The following CDKL2 variants were observed in gnomAD, a reference collection of about 807,000 sequenced individuals.
The protein encoded by CDKL2 is cyclin dependent kinase like 2, also known as cyclin-dependent kinase-like 2.
CDKL2 carries 64 observed loss-of-function variants against 63.9 expected under a neutral mutation model. That is an observed-to-expected ratio of 1.00 (90% confidence interval 0.82 to 1.23). The LOEUF (loss-of-function observed/expected upper bound fraction) is 1.23, where lower values mean the gene tolerates loss of function less well. Among genes scored for constraint, CDKL2 ranks in the 50% most tolerant of loss-of-function variants. CDKL2 has a pLI of 0.00. For synonymous variants in CDKL2, 211 were observed against 229.2 expected, an observed-to-expected ratio of 0.92 and a Z score of 0.72; for missense variants, 656 against 668.0, an observed-to-expected ratio of 0.98 and a Z score of 0.20.
At chr4:75,600,921 A>G (rs1191635973) in intron 6 of CDKL2, among the ~76,000 whole-genome samples, 2 of 152,214 alleles carry the variant, frequency 1.3e-5, no homozygotes, top group Non-Finnish European at 2.9e-5. Flanking sequence ...CAAAAAATCA[A>G]CCTGATTCTG....
In CDKL2 at chr4:75,577,318, C is replaced by T. The variant is rs552473151; in HGVS notation, c.*1884G>A. ...TATGTAATCTTGTTGATTACATCAA[C>T]AAGAATCACTGAAACCAATTTGCAG... is the stretch of plus-strand genomic sequence containing the variant. On this transcript the variant is annotated 3_prime_UTR_variant, in exon 14 of 14. Transcript: ENST00000307465. 3.9e-5 allele frequency among the ~76,000 whole-genome samples: 6 copies of T among 152,202 alleles called. No individual in the cohort carries two copies. The highest frequency in any genetic ancestry group is 4.8e-5 in the African/African-American group (2 of 41,556).
intron 3 of CDKL2, among the ~76,000 whole-genome samples, chr4:75,611,494 G>T (rs1341979644): frequency 6.7e-6 from 1 of 148,928 alleles, no homozygotes; most frequent in African/African-American, 2.5e-5. Context: ...TAAATGGACT[G>T]GAAAAAAAGT....
chr4:75,616,608 G>A (rs1480763480), intron 2 of CDKL2, among the ~76,000 whole-genome samples: 1 of 150,520 alleles, frequency 6.6e-6, no homozygotes, highest in Non-Finnish European at 1.5e-5. Flanking sequence ...GCTGAGGCAG[G>A]AGAATCGCTT....
intron 10 of CDKL2, among the ~76,000 whole-genome samples, chr4:75,595,562 T>A (rs1206591665): frequency 6.6e-6 from 1 of 151,988 alleles, no homozygotes; most frequent in Admixed American, 6.6e-5. Flanking sequence ...ATAAGACAAT[T>A]TATCTTTTCA....
intron 2 of CDKL2, among the ~76,000 whole-genome samples, chr4:75,623,859 C>T (rs1196973243): frequency 8.6e-5 from 13 of 151,960 alleles, no homozygotes; most frequent in Non-Finnish European, 1.6e-4. Context: ...GGGGGCCAGG[C>T]GCGGTGGCTT....
chr4:75,621,691 G>A (rs950800684), intron 2 of CDKL2, among the ~76,000 whole-genome samples: 4 of 152,000 alleles, frequency 2.6e-5, no homozygotes, highest in Non-Finnish European at 4.4e-5. Context: ...CCACGCTATC[G>A]CACCGAGCTT....
rs547873621 is a variant in CDKL2, at chr4:75,613,178, C to G, written c.363+1077G>C. On this transcript the variant is annotated intron_variant, in intron 3 of 13. Coordinates refer to ENST00000307465, the MANE Select transcript of CDKL2 (RefSeq NM_001330724.2). ...TCATTAAAAAGTTGCCAGGAGGCCA[C>G]TATGGAAGGCCTCCTAAAAAAGGGC... Among the ~76,000 whole-genome samples the G allele has an allele frequency of 1.3e-4, 20 of 151,628 alleles. No homozygotes were observed. The East Asian group carries it at 3.9e-3, about 30-fold the overall frequency.
chr4:75,580,115 T>C (rs1367496046), intron 13 of CDKL2, among the ~76,000 whole-genome samples: 1 of 151,750 alleles, frequency 6.6e-6, no homozygotes. Flanking sequence ...CTACTAAATA[T>C]ACAAAAATTA....
chr4:75,584,938 A>G (rs1382073624), intron 12 of CDKL2, among the ~76,000 whole-genome samples: 1 of 152,274 alleles, frequency 6.6e-6, no homozygotes, highest in Admixed American at 6.5e-5. Flanking sequence ...GGACTACCAC[A>G]TCTCTAAGGT....
chr4:75,625,903 ATT>A lies in CDKL2; in HGVS notation c.84_85del (p.Arg28SerfsTer11). 1 of 1,613,058 alleles carries A rather than the reference ATT, an allele frequency of 6.2e-7. No homozygotes were observed. The highest frequency in any genetic ancestry group is 8.5e-7 in the Non-Finnish European group (1 of 1,179,394). ...TTCTAAGAACTTCTTTATGGCCACA[ATT>A]CTTCCAGTATCTTTATTCCTACACT... On this transcript the variant is annotated frameshift_variant, in exon 2 of 14. Coordinates refer to ENST00000307465, the MANE Select transcript of CDKL2 (RefSeq NM_001330724.2). LOFTEE classifies it high-confidence loss of function.
rs1729306546 is a variant in CDKL2 at position 75,603,801 on chromosome 4, C to T, written c.795+16G>A. 2.2e-6 allele frequency: 3 copies of T among 1,366,070 alleles called. No individual in the cohort carries two copies. The South Asian group carries it at 3.9e-5, about 18-fold the overall frequency. The allele number at this position is 1,366,070 out of a possible 1,614,324, so 84.6% of individuals were successfully genotyped here. A position where few individuals can be genotyped will look rare whatever the true frequency, so the allele number is the denominator to read the frequency against. The stretch of plus-strand genomic sequence containing the variant: ...TAAATTCCCTGTCATAAAGTGTAAA[C>T]AATAAGTATGATTACCTTTGCTAAA... On this transcript the variant is annotated intron_variant, in intron 6 of 13. Coordinates refer to ENST00000307465, the MANE Select transcript of CDKL2 (RefSeq NM_001330724.2).
chr4:75,603,837 C>T lies in CDKL2; in HGVS notation c.775G>A (p.Val259Met), dbSNP rs146212582. Reference sequence around the variant, plus strand: ...ATTACCTTTGCTAAATCTATCACCACTTCAGAGAGCTTAGGATAGCGTCTT... The same window carrying T: ...ATTACCTTTGCTAAATCTATCACCATTTCAGAGAGCTTAGGATAGCGTCTT... ...LERRYPKLSE[V>M]VIDLAKKCLH... Residue 259 changes from valine (V) to methionine (M), a missense_variant, in exon 6 of 14, where the codon GTG becomes ATG. By Grantham distance (21) the Val-to-Met change is conservative. Coordinates refer to ENST00000307465, the MANE Select transcript of CDKL2 (RefSeq NM_001330724.2). 1 of 1,602,502 alleles carries T rather than the reference C, an allele frequency of 6.2e-7. No individual in the cohort carries two copies. Among genetic ancestry groups the T allele is most frequent in the African/African-American group, 1.3e-5 (1 of 74,396 alleles).
At position 75,597,041 on chromosome 4, in the gene CDKL2, T is replaced by TTG. The variant is rs756876391; in HGVS notation, c.1214_1215dup (p.Arg406GlnfsTer65). ...GGGGGAATTGCCACGCTTGGATTCCTTGTGTGGTCCACGCTGACATTGCTG... is the reference window on the plus strand; with the variant it reads ...GGGGGAATTGCCACGCTTGGATTCCTTGTGTGTGGTCCACGCTGACATTGCTG... On this transcript the variant is annotated frameshift_variant, in exon 9 of 14. Coordinates refer to ENST00000307465, the MANE Select transcript of CDKL2 (RefSeq NM_001330724.2). LOFTEE classifies it high-confidence loss of function. 1 of 1,614,202 alleles carries TTG rather than the reference T, an allele frequency of 6.2e-7. No individual in the cohort carries two copies. Among genetic ancestry groups the TTG allele is most frequent in the Non-Finnish European group, 8.5e-7 (1 of 1,180,000 alleles).
intron 1 of CDKL2, among the ~76,000 whole-genome samples, chr4:75,627,731 CTTTTTT>C (rs57328528): frequency 8.1e-5 from 7 of 86,004 alleles, no homozygotes; most frequent in South Asian, 4.0e-4. Context: ...CTTTTTTTTT[CTTTTTT>C]TTTTTTTTTT....
chr4:75,619,306 A>C (rs961811450), intron 2 of CDKL2, among the ~76,000 whole-genome samples: 2 of 152,186 alleles, frequency 1.3e-5, no homozygotes, highest in African/African-American at 4.8e-5. Context: ...AGGAAAATAC[A>C]TAGGGACAAG....
chr4:75,603,712 CAAAA>C (rs35686740), intron 6 of CDKL2, 101 bp downstream of exon 6: 721 of 349,452 alleles, frequency 2.1e-3, no homozygotes, highest in Middle Eastern at 3.7e-3. Flanking sequence ...AAGACTCCAT[CAAAA>C]AAAAAAAAAA....
At chr4:75,624,703 A>C (rs564973176) in intron 2 of CDKL2, among the ~76,000 whole-genome samples, 251 of 151,902 alleles carry the variant, frequency 1.7e-3, no homozygotes, top group Middle Eastern at 3.4e-3. Flanking sequence ...CAAAAAAAAA[A>C]AAAAATTATC....
chr4:75,616,434 A>T (rs1729927810), intron 2 of CDKL2, among the ~76,000 whole-genome samples: 2 of 152,122 alleles, frequency 1.3e-5, no homozygotes, highest in African/African-American at 4.8e-5. Flanking sequence ...AGGCTGAGGC[A>T]GGTGGATCAC....
intron 13 of CDKL2, among the ~76,000 whole-genome samples, 160 bp downstream of exon 13, chr4:75,581,650 C>G (rs997489520): frequency 3.3e-5 from 5 of 152,202 alleles, no homozygotes; most frequent in East Asian, 1.9e-4. Context: ...GAGATAAATA[C>G]TACTTCTGGT....
Sources: allele counts gnomAD v4.1 joint callset (sites outside exome capture counted in the v4.1 genomes callset), GRCh38; gene constraint gnomAD v4.1.1; transcripts MANE v1.5; gene names NCBI Gene and HGNC (gene_info 2026-07-23, HGNC 2026-07-21).